MLLT10: variants seen among roughly 807,000 people sequenced by gnomAD.
The protein encoded by MLLT10 is protein AF-10.
Under a neutral mutation model 129.1 loss-of-function variants are expected in MLLT10, and 30 were observed. The observed-to-expected ratio is 0.23, with a 90% confidence interval of 0.17 to 0.32. MLLT10 has a LOEUF of 0.32. Among genes scored for constraint, MLLT10 ranks in the 10% least tolerant of loss-of-function variants. The pLI is 1.00. For synonymous variants in MLLT10, 490 were observed against 446.4 expected (o/e 1.10, Z -1.23); for missense variants, 1,119 against 1,268.3 (o/e 0.88, Z 1.79).
chr10:21,586,684 C>G (rs1346483918), intron 4 of MLLT10, among the ~76,000 whole-genome samples: 5 of 151,952 alleles, frequency 3.3e-5, no homozygotes, highest in Non-Finnish European at 7.4e-5. Context: ...GGTCAGGAGT[C>G]GAGACCAGCC....
intron 14 of MLLT10, among the ~76,000 whole-genome samples, chr10:21,719,554 C>A (rs1415233153): frequency 6.6e-6 from 1 of 152,110 alleles, no homozygotes; most frequent in Non-Finnish European, 1.5e-5. Context: ...CCTTGGAAAA[C>A]GTTGTTAGTA....
At chr10:21,551,981 G>A (rs544698061) in intron 3 of MLLT10, 5 of 257,058 alleles carry the variant, frequency 1.9e-5, no homozygotes, top group East Asian at 1.4e-4. Flanking sequence ...TTTTAGAGAC[G>A]GAGTTTCACC....
chr10:21,655,383 T>TTTTAATACTC (rs1411712788), intron 9 of MLLT10, among the ~76,000 whole-genome samples: 1 of 152,220 alleles, frequency 6.6e-6, no homozygotes, highest in Non-Finnish European at 1.5e-5. Flanking sequence ...ACTCAGACCT[T>TTTTAATACTC]TGTTGCTGTA....
intron 8 of MLLT10, among the ~76,000 whole-genome samples, chr10:21,623,891 A>AT (rs1304406349): frequency 2.0e-5 from 3 of 152,174 alleles, no homozygotes; most frequent in Non-Finnish European, 4.4e-5. Flanking sequence ...TTAGAAGAAA[A>AT]TGGAGTTATG....
intron 3 of MLLT10, among the ~76,000 whole-genome samples, chr10:21,559,783 A>G (rs1278857833): frequency 6.6e-6 from 1 of 152,166 alleles, no homozygotes; most frequent in Admixed American, 6.6e-5. Context: ...CAGAATTTGA[A>G]TCTTGTTTAT....
intron 13 of MLLT10, among the ~76,000 whole-genome samples, chr10:21,697,560 A>G (rs970142669): frequency 4.6e-5 from 7 of 152,254 alleles, no homozygotes; most frequent in Non-Finnish European, 7.3e-5. Context: ...TGTATAGATC[A>G]TGTCAAAAGA....
intron 9 of MLLT10, among the ~76,000 whole-genome samples, chr10:21,667,889 T>C (rs1163136541): frequency 6.6e-6 from 1 of 152,162 alleles, no homozygotes; most frequent in African/African-American, 2.4e-5. Context: ...TATAGGTATA[T>C]TGGTGTTGCA....
At chr10:21,613,881 G>A (rs548607876) in intron 6 of MLLT10, among the ~76,000 whole-genome samples, 2 of 151,890 alleles carry the variant, frequency 1.3e-5, no homozygotes, top group Admixed American at 6.6e-5. Context: ...ACTCTGGCCT[G>A]GGTGACAGAA....
chr10:21,667,338 G>C (rs987956762), intron 9 of MLLT10, among the ~76,000 whole-genome samples: 3 of 149,768 alleles, frequency 2.0e-5, no homozygotes, highest in Non-Finnish European at 4.4e-5. Context: ...ATTTTTCTTG[G>C]GGTTACTTGA....
intron 8 of MLLT10, among the ~76,000 whole-genome samples, chr10:21,624,010 A>G (rs563013853): frequency 6.6e-6 from 1 of 152,324 alleles, no homozygotes; most frequent in South Asian, 2.1e-4. Flanking sequence ...ACAAATTGTC[A>G]TGGCTTTTGA....
At chr10:21,689,616 TATACAC>T (rs1230346796) in intron 13 of MLLT10, among the ~76,000 whole-genome samples, 16 of 140,752 alleles carry the variant, frequency 1.1e-4, no homozygotes, top group African/African-American at 2.1e-4. Flanking sequence ...TATATATATA[TATACAC>T]ACACACACAC....
chr10:21,538,356 TTTC>T lies in MLLT10; in HGVS notation c.161-473_161-471del, dbSNP rs1385742793. ...TTTTGTATTTTTAGTAGGGACAGGG[TTTC>T]TTCATGTTGGTCAGGCTGGTCTTGA... On this transcript the variant is annotated intron_variant, in intron 2 of 22. Transcript: ENST00000307729. 7.9e-5 allele frequency among the ~76,000 whole-genome samples: 12 copies of T among 151,988 alleles called. No individual in the cohort carries two copies. In the East Asian group the frequency reaches 2.3e-3, roughly 29 times the overall value.
At position 21,742,532 on chromosome 10, in the gene MLLT10, A is replaced by G. The variant is rs902121998; in HGVS notation, c.*549A>G. On this transcript the variant is annotated 3_prime_UTR_variant, in exon 23 of 23. Transcript: ENST00000307729. ...GGGACTTGGCAATCTTTGTTAAAAA[A>G]AAATTTCCTTTCTAATGGGATTTGG... 23 of 216,222 alleles carry G rather than the reference A, an allele frequency of 1.1e-4. No individual in the cohort carries two copies. The highest frequency in any genetic ancestry group is 4.7e-4 in the Admixed American group (8 of 17,196). 13.4% of individuals were successfully genotyped at this position (216,222 alleles called of 1,614,324 possible). A position where few individuals can be genotyped will look rare whatever the true frequency, so the allele number is the denominator to read the frequency against.
At chr10:21,552,222 G>C (rs987207302) in intron 3 of MLLT10, among the ~76,000 whole-genome samples, 16 of 151,768 alleles carry the variant, frequency 1.1e-4, no homozygotes, top group African/African-American at 3.9e-4. Context: ...TACCCTGCCT[G>C]GTTTTTGCTA....
intron 8 of MLLT10, among the ~76,000 whole-genome samples, chr10:21,631,731 T>C (rs1039937402): frequency 1.3e-5 from 2 of 152,082 alleles, no homozygotes; most frequent in African/African-American, 4.8e-5. Flanking sequence ...GTGAGAACTC[T>C]TATCAGGAGA....
Position 21,534,328 on chromosome 10 carries a change from C to A in MLLT10, c.-193C>A, listed in dbSNP as rs1405194085. The A allele has an allele frequency of 2.7e-6, 1 of 372,212 alleles. No homozygotes were observed. The allele number at this position is 372,212 out of a possible 1,614,324, so 23.1% of individuals were successfully genotyped here. A position where few individuals can be genotyped will look rare whatever the true frequency, so the allele number is the denominator to read the frequency against. On this transcript the variant is annotated 5_prime_UTR_variant, in exon 1 of 23. It adds an upstream start codon to the 5' untranslated region. Coordinates refer to ENST00000307729, the MANE Select transcript of MLLT10 (RefSeq NM_001195626.3). ...GGAGCCCCCCCTCCCCCCAGTGCGC[C>A]TGTGCGGAGGCCCTCTTGATTATGT...
chr10:21,733,375 A>G (rs2058106183), intron 18 of MLLT10, 129 bp from the exon 19 acceptor site: 11 of 608,448 alleles, frequency 1.8e-5, no homozygotes, highest in Non-Finnish European at 2.6e-5. Context: ...AGTCTTAGGA[A>G]TAGCAAGACT....
At position 21,681,223 on chromosome 10, in the gene MLLT10, AACTAC is replaced by A; in HGVS notation, c.1622-105_1622-101del. 6 of 1,418,084 alleles carry A rather than the reference AACTAC, an allele frequency of 4.2e-6. No homozygotes were observed. In the African/African-American group the frequency reaches 8.6e-5, roughly 20 times the overall value. 87.8% of individuals were successfully genotyped at this position (1,418,084 alleles called of 1,614,324 possible). A position where few individuals can be genotyped will look rare whatever the true frequency, so the allele number is the denominator to read the frequency against. ...TTTTGAAGTTCTAGGTGGCCTACTT[AACTAC>A]ACTTTTAGGTGAATTTCCCTCCATT... On this transcript the variant is annotated intron_variant, in intron 11 of 22. Transcript: ENST00000307729.
chr10:21,677,567 A>G (rs1176843779), intron 11 of MLLT10, among the ~76,000 whole-genome samples: 6 of 152,212 alleles, frequency 3.9e-5, no homozygotes, highest in Non-Finnish European at 7.3e-5. Flanking sequence ...TGTAAATGCT[A>G]TGCAAATAGT....
Sources: gnomAD v4.1 joint callset for allele counts (sites outside exome capture counted in the v4.1 genomes callset) on GRCh38, gnomAD v4.1.1 for gene constraint, MANE v1.5 for transcripts, NCBI Gene and HGNC (gene_info 2026-07-23, HGNC 2026-07-21) for gene names.